Variants in SLC35F1 observed in about 807,000 individuals in gnomAD.
The protein encoded by SLC35F1 is solute carrier family 35 member F1.
SLC35F1 carries 14 observed loss-of-function variants against 48.7 expected under a neutral mutation model. That is an observed-to-expected ratio of 0.29 (90% CI 0.19 to 0.45). The LOEUF (loss-of-function observed/expected upper bound fraction) is 0.45. Ranked by LOEUF, SLC35F1 falls within the 20% of genes least tolerant of loss-of-function variation. SLC35F1 has a pLI of 1.00. For missense variants in SLC35F1, 404 were observed against 500.0 expected, an observed-to-expected ratio of 0.81 and a Z score of 1.83; for synonymous variants, 190 against 202.2, an observed-to-expected ratio of 0.94 and a Z score of 0.51.
intron 2 of SLC35F1, among the ~76,000 whole-genome samples, chr6:118,227,883 C>T (rs959421517): frequency 6.6e-6 from 1 of 152,120 alleles, no homozygotes; most frequent in East Asian, 1.9e-4. Context: ...AAAATGAGAA[C>T]GAACACAAAG....
chr6:117,982,931 T>C (rs1398905314), intron 1 of SLC35F1, among the ~76,000 whole-genome samples: 4 of 152,180 alleles, frequency 2.6e-5, no homozygotes, highest in Non-Finnish European at 5.9e-5. Flanking sequence ...GGAGACTCTC[T>C]ACAAATACAT....
chr6:117,923,709 A>ACATATGTACATATATG lies in SLC35F1; in HGVS notation c.173+15815_173+15816insGTACATATATGCATAT, dbSNP rs1491578673. On this transcript the variant is annotated intron_variant, in intron 1 of 7. Coordinates refer to ENST00000360388, the MANE Select transcript of SLC35F1 (RefSeq NM_001029858.4). ...TACATATGTACATATACATATATGTACATATATACATATATACATATGTAT... is the reference window on the plus strand; with the variant it reads ...TACATATGTACATATACATATATGTACATATGTACATATATGCATATATACATATATACATATGTAT... 2.8e-5 allele frequency among the ~76,000 whole-genome samples: 2 copies of ACATATGTACATATATG among 70,718 alleles called. 1 individual carries two copies. The highest frequency in any genetic ancestry group is 5.9e-5 in the Non-Finnish European group (2 of 33,784). The allele number at this position is 70,718 out of a possible 152,430, so 46.4% of individuals were successfully genotyped here. A position where few individuals can be genotyped will look rare whatever the true frequency, so the allele number is the denominator to read the frequency against.
chr6:118,000,472 A>G (rs1777075141), intron 1 of SLC35F1, among the ~76,000 whole-genome samples: 1 of 152,168 alleles, frequency 6.6e-6, no homozygotes, highest in African/African-American at 2.4e-5. Context: ...GCTATCTATG[A>G]CAAACCCACG....
chr6:118,009,896 G>A (rs567772947), intron 1 of SLC35F1, among the ~76,000 whole-genome samples: 5 of 152,068 alleles, frequency 3.3e-5, no homozygotes, highest in African/African-American at 4.8e-5. Context: ...CTGATGTCGA[G>A]TGTCCACCTT....
At chr6:117,977,688 G>A (rs1289183278) in intron 1 of SLC35F1, among the ~76,000 whole-genome samples, 3 of 152,022 alleles carry the variant, frequency 2.0e-5, no homozygotes, top group Admixed American at 2.0e-4. Flanking sequence ...TTCTAGGTTT[G>A]TAGTTTGCCA....
At chr6:118,295,701 A>G (rs1458537821) in intron 7 of SLC35F1, among the ~76,000 whole-genome samples, 1 of 152,192 alleles carries the variant, frequency 6.6e-6, no homozygotes. Context: ...GGTTTCTTGT[A>G]TGTAAAAATG....
At chr6:117,912,277 A>T (rs1298369855) in intron 1 of SLC35F1, among the ~76,000 whole-genome samples, 1 of 152,220 alleles carries the variant, frequency 6.6e-6, no homozygotes, top group Non-Finnish European at 1.5e-5. Flanking sequence ...ACCTTTTTGA[A>T]TATAAACCAA....
At position 118,267,285 on chromosome 6, in the gene SLC35F1, T is replaced by C. The variant is rs186819861; in HGVS notation, c.637+131T>C. On this transcript the variant is annotated intron_variant, in intron 4 of 7. Transcript: ENST00000360388. ...TTTCCCACTATCTGTGTCCTGTTCA[T>C]GTCTGTTCCCCACACCTGAAACAGG... The C allele has an allele frequency of 4.7e-6, 5 of 1,064,978 alleles. No individual in the cohort carries two copies. The Admixed American group carries it at 8.6e-5, about 18-fold the overall frequency. The allele number at this position is 1,064,978 out of a possible 1,614,324, so 66.0% of individuals were successfully genotyped here. A position where few individuals can be genotyped will look rare whatever the true frequency, so the allele number is the denominator to read the frequency against.
chr6:118,225,420 G>A (rs1173250574), intron 2 of SLC35F1, among the ~76,000 whole-genome samples: 1 of 152,106 alleles, frequency 6.6e-6, no homozygotes, highest in Non-Finnish European at 1.5e-5. Flanking sequence ...AATGATCCTG[G>A]AAAAACTGGT....
intron 1 of SLC35F1, among the ~76,000 whole-genome samples, chr6:117,949,705 G>A (rs1297969496): frequency 6.6e-6 from 1 of 152,192 alleles, no homozygotes; most frequent in Non-Finnish European, 1.5e-5. Context: ...ACCTGTGTCA[G>A]TGAAGTTTTT....
intron 1 of SLC35F1, among the ~76,000 whole-genome samples, chr6:117,909,718 T>C (rs1319907347): frequency 6.6e-6 from 1 of 152,244 alleles, no homozygotes; most frequent in Non-Finnish European, 1.5e-5. Context: ...TGAATTAATG[T>C]ATTCAACTCA....
chr6:118,280,132 A>T (rs1279297279), intron 6 of SLC35F1, among the ~76,000 whole-genome samples: 3 of 152,184 alleles, frequency 2.0e-5, no homozygotes, highest in Non-Finnish European at 4.4e-5. Context: ...TTTTTATTCC[A>T]TTGTTTTACA....
intron 1 of SLC35F1, among the ~76,000 whole-genome samples, chr6:117,974,072 T>C (rs1160200665): frequency 6.6e-6 from 1 of 152,216 alleles, no homozygotes; most frequent in Non-Finnish European, 1.5e-5. Flanking sequence ...ATCCTGGCTC[T>C]GCCACTTGTC....
intron 1 of SLC35F1, among the ~76,000 whole-genome samples, chr6:117,946,115 T>A (rs1310572049): frequency 6.6e-6 from 1 of 152,316 alleles, no homozygotes; most frequent in East Asian, 1.9e-4. Flanking sequence ...GTTTTCCCTG[T>A]GGCACTCATT....
chr6:118,166,944 C>A (rs543130681), intron 2 of SLC35F1, among the ~76,000 whole-genome samples: 1 of 152,142 alleles, frequency 6.6e-6, no homozygotes, highest in African/African-American at 2.4e-5. Flanking sequence ...TATATAGAAC[C>A]TTCCAGAAGG....
At chr6:118,030,849 A>G (rs1772034835) in intron 1 of SLC35F1, among the ~76,000 whole-genome samples, 1 of 152,212 alleles carries the variant, frequency 6.6e-6, no homozygotes, top group South Asian at 2.1e-4. Flanking sequence ...GCAGAGGGTC[A>G]TTTTATATTC....
chr6:118,028,078 C>A (rs138851870), intron 1 of SLC35F1, among the ~76,000 whole-genome samples: 1 of 152,118 alleles, frequency 6.6e-6, no homozygotes, highest in Non-Finnish European at 1.5e-5. Flanking sequence ...TTTAAAAATG[C>A]TTTTGGAATT....
At chr6:118,292,669 A>G (rs1339154196) in intron 7 of SLC35F1, among the ~76,000 whole-genome samples, 2 of 145,164 alleles carry the variant, frequency 1.4e-5, no homozygotes, top group Non-Finnish European at 3.0e-5. Context: ...TCGCCTGCCT[A>G]ACATTGATTA....
At chr6:118,228,344 A>G (rs536331248) in intron 2 of SLC35F1, among the ~76,000 whole-genome samples, 2 of 152,356 alleles carry the variant, frequency 1.3e-5, no homozygotes, top group Non-Finnish European at 2.9e-5. Context: ...CTAATACTAT[A>G]TTTTAGCTTT....
Sources: allele counts gnomAD v4.1 joint callset (sites outside exome capture counted in the v4.1 genomes callset), GRCh38; gene constraint gnomAD v4.1.1; transcripts MANE v1.5; gene names NCBI Gene and HGNC (gene_info 2026-07-23, HGNC 2026-07-21).